Variants in PITPNM2 observed in about 807,000 individuals in gnomAD.
The protein encoded by PITPNM2 is phosphatidylinositol transfer protein membrane associated 2.
Under a neutral mutation model 132.2 loss-of-function variants are expected in PITPNM2, and 35 were observed. The ratio of observed to expected loss-of-function variants is 0.26; its 90% CI spans 0.20 to 0.35. The LOEUF is 0.35. Among genes scored for constraint, PITPNM2 ranks in the 10% least tolerant of loss-of-function variants. The pLI is 1.00. For missense variants in PITPNM2, 1,332 were observed against 1,912.0 expected, an observed-to-expected ratio of 0.70 and a Z score of 5.66; for synonymous variants, 738 against 799.2, an observed-to-expected ratio of 0.92 and a Z score of 1.29.
rs536159250 is a variant in PITPNM2, at chr12:123,016,747, T to C, written c.79-2705A>G. On this transcript the variant is annotated intron_variant, in intron 3 of 25. Transcript: ENST00000320201. ...ATAAAATGGTGGGAATGTAAAACTG[T>C]TGAAAATAGTTTAGTAGGCCAGGTG... 3.3e-5 allele frequency among the ~76,000 whole-genome samples: 5 copies of C among 152,176 alleles called. No homozygotes were observed. The East Asian group carries it at 9.7e-4, about 29-fold the overall frequency.
intron 1 of PITPNM2, among the ~76,000 whole-genome samples, chr12:123,129,519 G>A (rs547972703): frequency 3.9e-4 from 58 of 149,908 alleles, no homozygotes; most frequent in African/African-American, 1.3e-3. Flanking sequence ...GCAGTGAGCC[G>A]AGATTGCGCC....
intron 3 of PITPNM2, among the ~76,000 whole-genome samples, chr12:123,015,907 AAAC>A (rs781617326): frequency 5.3e-5 from 8 of 152,230 alleles, no homozygotes; most frequent in Non-Finnish European, 8.8e-5. Context: ...CTCAACAACA[AAAC>A]AACACAATTC....
chr12:123,012,614 G>A lies in PITPNM2; in HGVS notation c.414C>T (p.Ile138=), dbSNP rs1242085238. 29 of 1,613,894 alleles carry A rather than the reference G, an allele frequency of 1.8e-5. No homozygotes were observed. The highest frequency in any genetic ancestry group is 2.3e-5 in the Non-Finnish European group (27 of 1,179,902). ...TGGGGCTCTGCCCTTCCTGGTTACCGATTGTCAGCTGGTTCTTTTCCACAG... is the reference window on the plus strand; with the variant it reads ...TGGGGCTCTGCCCTTCCTGGTTACCAATTGTCAGCTGGTTCTTTTCCACAG... The part of the protein sequence containing the change: ...LSPVEKNQLT[I]DFIDIVKDPV... The change falls in exon 5 of 26, where the codon ATC becomes ATT. Residue 138 remains isoleucine, a splice_region_variant and synonymous_variant. Coordinates refer to ENST00000320201, the MANE Select transcript of PITPNM2 (RefSeq NM_020845.3).
At chr12:123,007,601 C>T (rs1451450136) in intron 6 of PITPNM2, among the ~76,000 whole-genome samples, 1 of 152,140 alleles carries the variant, frequency 6.6e-6, no homozygotes, top group Non-Finnish European at 1.5e-5. Flanking sequence ...TAAATCCCAT[C>T]CATTCTTAAA....
Position 123,150,999 on chromosome 12 carries a change from T to C in PITPNM2, c.-446A>G, listed in dbSNP as rs11057168. Among the ~76,000 whole-genome samples, 2,905 of 141,938 alleles carry C rather than the reference T, an allele frequency of 0.02. 40 individuals carry two copies. The highest frequency in any genetic ancestry group is 0.032 in the Non-Finnish European group (2,047 of 64,438). 93.1% of individuals were successfully genotyped at this position (141,938 alleles called of 152,430 possible). ...GGCTCTCGCTGAGGCGGCCGCGAGC[T>C]GAGAAGGAAGCGCCGGGCGGGCGGC... is the stretch of plus-strand genomic sequence containing the variant. On this transcript the variant is annotated 5_prime_UTR_variant, in exon 1 of 26. Coordinates refer to ENST00000320201, the MANE Select transcript of PITPNM2 (RefSeq NM_020845.3). This position sits in a 1 kb window ranked among gnomAD's most constrained non-coding sequence, Gnocchi z 6.0.
At chr12:123,103,109 C>T (rs1414211690) in intron 2 of PITPNM2, among the ~76,000 whole-genome samples, 1 of 152,218 alleles carries the variant, frequency 6.6e-6, no homozygotes, top group South Asian at 2.1e-4. Flanking sequence ...TGGGTTTAAA[C>T]AAACCACCTT....
At chr12:123,094,868 A>C (rs1477554893) in intron 2 of PITPNM2, among the ~76,000 whole-genome samples, 9 of 151,692 alleles carry the variant, frequency 5.9e-5, no homozygotes, top group Admixed American at 1.3e-4. Context: ...CATCACATCT[A>C]CCCCCAGGGC....
intron 18 of PITPNM2, 39 bp from the exon 19 acceptor site, chr12:122,988,911 C>T: frequency 1.1e-5 from 16 of 1,504,320 alleles, no homozygotes; most frequent in Non-Finnish European, 1.4e-5. Context: ...GGCTGTATAG[C>T]CCCAGACAGG....
chr12:123,057,607 C>T (rs1364901534), intron 2 of PITPNM2, among the ~76,000 whole-genome samples: 1 of 152,176 alleles, frequency 6.6e-6, no homozygotes, highest in East Asian at 1.9e-4. Flanking sequence ...TCCACTTCCC[C>T]AGGCAATGGG....
At chr12:123,075,859 G>C (rs991631069) in intron 2 of PITPNM2, 5 of 152,366 alleles carry the variant, frequency 3.3e-5, no homozygotes, top group Non-Finnish European at 5.9e-5. Flanking sequence ...TCAAAAGCCA[G>C]CTTGGCTCTG....
chr12:123,067,623 CA>C (rs1325183000), intron 2 of PITPNM2, among the ~76,000 whole-genome samples: 1 of 152,186 alleles, frequency 6.6e-6, no homozygotes, highest in Non-Finnish European at 1.5e-5. Context: ...CTGCAAGAGG[CA>C]AGGAAGGATT....
intron 1 of PITPNM2, among the ~76,000 whole-genome samples, chr12:123,125,252 T>C (rs2043113746): frequency 6.6e-6 from 1 of 152,318 alleles, no homozygotes; most frequent in Middle Eastern, 3.4e-3. Context: ...AGTGAAAGAA[T>C]GAATGAGTAA....
chr12:123,140,963 G>GAA lies in PITPNM2; in HGVS notation c.-200+9788_-200+9789dup, dbSNP rs1034776899. ...TTTTCCTCTTGGAAAAAAGAAAAGGGAAAAAAAAAAACCCCATACAAACCC... is the reference window on the plus strand; with the variant it reads ...TTTTCCTCTTGGAAAAAAGAAAAGGGAAAAAAAAAAAAACCCCATACAAACCC... On this transcript the variant is annotated intron_variant, in intron 1 of 25. Coordinates refer to ENST00000320201, the MANE Select transcript of PITPNM2 (RefSeq NM_020845.3). Among the ~76,000 whole-genome samples the GAA allele has an allele frequency of 2.8e-5, 4 of 143,952 alleles. No homozygotes were observed. In the East Asian group the frequency reaches 6.0e-4, roughly 22 times the overall value. 94.4% of individuals were successfully genotyped at this position (143,952 alleles called of 152,430 possible). A position where few individuals can be genotyped will look rare whatever the true frequency, so the allele number is the denominator to read the frequency against.
At chr12:123,012,845 A>G in intron 4 of PITPNM2, 111 bp from the exon 5 acceptor site, 2 of 1,417,976 alleles carry the variant, frequency 1.4e-6, no homozygotes, top group African/African-American at 1.4e-5. Context: ...CGGGCATGGA[A>G]GGAGGGTGGA....
In PITPNM2 at chr12:122,997,653, T is replaced by A. The variant is rs566605854; in HGVS notation, c.1225-81A>T. The A allele has an allele frequency of 7.4e-4, 1,138 of 1,541,898 alleles. 7 individuals carry two copies. The Middle Eastern group carries it at 7.5e-3, about 10-fold the overall frequency. On this transcript the variant is annotated intron_variant, in intron 10 of 25. Coordinates refer to ENST00000320201, the MANE Select transcript of PITPNM2 (RefSeq NM_020845.3). ...GCCCCTCTGTCACCCTTGTTGGGGG[T>A]GTGCCTCTTGCACGCAGCCCAACTG...
At chr12:123,145,736 A>G (rs1252010305) in intron 1 of PITPNM2, among the ~76,000 whole-genome samples, 18 of 152,160 alleles carry the variant, frequency 1.2e-4, no homozygotes, top group Admixed American at 1.1e-3. Context: ...GCCAGCCACA[A>G]TGGCTCACAC....
intron 1 of PITPNM2, among the ~76,000 whole-genome samples, chr12:123,144,070 TTTTCAAA>T (rs1324914909): frequency 5.9e-5 from 9 of 152,348 alleles, no homozygotes; most frequent in African/African-American, 1.9e-4. Flanking sequence ...TTCAAATTCA[TTTTCAAA>T]TTTGTGCAAA....
rs1454730291 is a variant in PITPNM2, at chr12:123,117,140, A to G, written c.-199-6652T>C. ...TCATGAAGACCTTTTGTATCCTCACATATGAGAGTTGCTGAGAGACGTTAG... is the reference window on the plus strand; with the variant it reads ...TCATGAAGACCTTTTGTATCCTCACGTATGAGAGTTGCTGAGAGACGTTAG... On this transcript the variant is annotated intron_variant, in intron 1 of 25. Coordinates refer to ENST00000320201, the MANE Select transcript of PITPNM2 (RefSeq NM_020845.3). This position sits in a 1 kb window ranked among gnomAD's most constrained non-coding sequence, Gnocchi z 4.7. 2.0e-5 allele frequency among the ~76,000 whole-genome samples: 3 copies of G among 152,192 alleles called. No individual in the cohort carries two copies. The highest frequency in any genetic ancestry group is 7.2e-5 in the African/African-American group (3 of 41,430).
chr12:123,080,692 C>T (rs2041933211), intron 2 of PITPNM2, among the ~76,000 whole-genome samples: 1 of 152,238 alleles, frequency 6.6e-6, no homozygotes, highest in South Asian at 2.1e-4. Flanking sequence ...CAACCCCACA[C>T]CCATGCTTTG....
Sources: allele counts gnomAD v4.1 joint callset (sites outside exome capture counted in the v4.1 genomes callset), GRCh38; gene constraint gnomAD v4.1.1; non-coding constraint Gnocchi (gnomAD v3.1); transcripts MANE v1.5; gene names NCBI Gene and HGNC (gene_info 2026-07-23, HGNC 2026-07-21).